The following MIPEP variants were observed in gnomAD, a reference collection of about 807,000 sequenced individuals.
The protein encoded by MIPEP is mitochondrial intermediate peptidase.
Under a neutral mutation model 90.3 loss-of-function variants are expected in MIPEP, and 79 were observed. The ratio of observed to expected loss-of-function variants is 0.87; its 90% CI spans 0.73 to 1.05. The LOEUF (loss-of-function observed/expected upper bound fraction) is 1.05. MIPEP is among the 50% of genes least tolerant of loss of function. The probability of loss-of-function intolerance (pLI) is 0.00; values close to 1 mark genes in which losing one functional copy is unlikely to be tolerated. For synonymous variants in MIPEP, 334 were observed against 315.8 expected (o/e 1.06, Z -0.61); for missense variants, 940 against 905.6 (o/e 1.04, Z -0.49).
chr13:23,851,539 C>T lies in MIPEP; in HGVS notation c.1106+7321G>A, dbSNP rs1351929886. ...GGTAAATGACTGAGGAAAAACTGGA[C>T]ATTTCCATGTTGCTGGGAACACCAC... On this transcript the variant is annotated intron_variant, in intron 10 of 18. Transcript: ENST00000382172. Among the ~76,000 whole-genome samples, 6 of 152,274 alleles carry T rather than the reference C, an allele frequency of 3.9e-5. No homozygotes were observed. In the East Asian group the frequency reaches 1.2e-3, roughly 29 times the overall value.
chr13:23,869,711 G>T (rs1020032714), intron 6 of MIPEP, among the ~76,000 whole-genome samples: 2 of 152,140 alleles, frequency 1.3e-5, no homozygotes, highest in Non-Finnish European at 2.9e-5. Context: ...ATGCTATAAA[G>T]CGTCTTAACC....
intron 4 of MIPEP, 29 bp downstream of exon 4, chr13:23,879,239 A>C: frequency 2.2e-6 from 3 of 1,376,324 alleles, no homozygotes; most frequent in Non-Finnish European, 3.1e-6. Flanking sequence ...AGTCACAGTC[A>C]CAATCAAGGC....
At chr13:23,820,367 T>C (rs973883885) in intron 14 of MIPEP, among the ~76,000 whole-genome samples, 4 of 152,216 alleles carry the variant, frequency 2.6e-5, no homozygotes, top group Non-Finnish European at 4.4e-5. Flanking sequence ...CCTACCTTTA[T>C]AGAAACCCAT....
chr13:23,876,128 A>G (rs1170020992), intron 4 of MIPEP, among the ~76,000 whole-genome samples: 1 of 152,202 alleles, frequency 6.6e-6, no homozygotes, highest in African/African-American at 2.4e-5. Context: ...ATTGATATAT[A>G]TTACCAAATG....
chr13:23,732,262 T>G (rs1952214452), intron 18 of MIPEP, among the ~76,000 whole-genome samples: 1 of 152,126 alleles, frequency 6.6e-6, no homozygotes, highest in Non-Finnish European at 1.5e-5. Flanking sequence ...GTGCTGGGAT[T>G]ACAGGCGTGA....
At chr13:23,863,867 C>A (rs1185685900) in intron 8 of MIPEP, among the ~76,000 whole-genome samples, 1 of 152,072 alleles carries the variant, frequency 6.6e-6, no homozygotes, top group African/African-American at 2.4e-5. Context: ...TAAATAGTTT[C>A]AAAAACATTT....
chr13:23,875,214 C>A (rs1593205496), intron 4 of MIPEP, among the ~76,000 whole-genome samples: 1 of 151,548 alleles, frequency 6.6e-6, no homozygotes, highest in East Asian at 1.9e-4. Context: ...CAGGTTTGTA[C>A]TAAATAATAA....
intron 5 of MIPEP, among the ~76,000 whole-genome samples, chr13:23,873,515 G>A (rs1467790987): frequency 6.6e-6 from 1 of 152,174 alleles, no homozygotes; most frequent in South Asian, 2.1e-4. Flanking sequence ...GTAGCACCAA[G>A]CTCAAAATTG....
chr13:23,795,126 T>C (rs1435133201), intron 16 of MIPEP, among the ~76,000 whole-genome samples: 1 of 151,960 alleles, frequency 6.6e-6, no homozygotes, highest in Non-Finnish European at 1.5e-5. Flanking sequence ...GCCCAGGCAC[T>C]AACTTCACCT....
intron 18 of MIPEP, among the ~76,000 whole-genome samples, chr13:23,754,384 G>A (rs1307603474): frequency 6.6e-6 from 1 of 152,192 alleles, no homozygotes; most frequent in Non-Finnish European, 1.5e-5. Context: ...AGATCTGACA[G>A]AACAGCATTA....
chr13:23,758,112 A>ACTGAGGTGGCGCCTCCCCTCAGGGG (rs1316298705), intron 17 of MIPEP, among the ~76,000 whole-genome samples: 3 of 152,180 alleles, frequency 2.0e-5, no homozygotes, highest in Non-Finnish European at 4.4e-5. Flanking sequence ...GGAAGCCTGG[A>ACTGAGGTGGCGCCTCCCCTCAGGGG]CTGAGGTGGC....
intron 1 of MIPEP, chr13:23,888,095 T>G (rs773794812): frequency 3.9e-5 from 17 of 436,632 alleles, no homozygotes; most frequent in Non-Finnish European, 6.3e-5. Context: ...CAGTGCCGAA[T>G]ATCATGATAC....
chr13:23,841,078 T>C (rs1435714187), intron 11 of MIPEP, among the ~76,000 whole-genome samples: 1 of 152,254 alleles, frequency 6.6e-6, no homozygotes, highest in Non-Finnish European at 1.5e-5. Flanking sequence ...TTTGTGGATA[T>C]ATGAAGGTGC....
At chr13:23,739,455 A>T (rs981193469) in intron 18 of MIPEP, among the ~76,000 whole-genome samples, 2 of 152,268 alleles carry the variant, frequency 1.3e-5, no homozygotes, top group Admixed American at 6.5e-5. Flanking sequence ...TCAGAAACAC[A>T]CACCTAAGAA....
At chr13:23,750,028 A>C (rs1162548323) in intron 18 of MIPEP, among the ~76,000 whole-genome samples, 1 of 152,114 alleles carries the variant, frequency 6.6e-6, no homozygotes, top group Non-Finnish European at 1.5e-5. Flanking sequence ...GGTGTGGACC[A>C]AACCATGAGC....
intron 10 of MIPEP, among the ~76,000 whole-genome samples, chr13:23,853,828 A>T (rs1242746825): frequency 1.3e-5 from 2 of 151,870 alleles, no homozygotes; most frequent in African/African-American, 4.8e-5. Flanking sequence ...AGCCTCCCAA[A>T]GTGCTGGGAT....
intron 10 of MIPEP, among the ~76,000 whole-genome samples, chr13:23,850,735 A>C (rs1461264824): frequency 1.3e-5 from 2 of 152,192 alleles, no homozygotes; most frequent in Non-Finnish European, 2.9e-5. Context: ...CAGCAAGGAG[A>C]CCTCTATTGC....
intron 16 of MIPEP, among the ~76,000 whole-genome samples, chr13:23,791,654 C>T (rs1292190541): frequency 6.6e-6 from 1 of 152,150 alleles, no homozygotes; most frequent in African/African-American, 2.4e-5. Context: ...AGATCTTTCC[C>T]ATTCACTTAC....
intron 10 of MIPEP, among the ~76,000 whole-genome samples, chr13:23,850,082 C>G (rs552123825): frequency 6.6e-6 from 1 of 152,294 alleles, no homozygotes; most frequent in Non-Finnish European, 1.5e-5. Context: ...AGGCTTGTTA[C>G]AGAATGAACA....
Sources: gnomAD v4.1 joint callset for allele counts (sites outside exome capture counted in the v4.1 genomes callset) on GRCh38, gnomAD v4.1.1 for gene constraint, MANE v1.5 for transcripts, NCBI Gene and HGNC (gene_info 2026-07-23, HGNC 2026-07-21) for gene names.